Variants in RIN3 observed in about 807,000 individuals in gnomAD.
RIN3 encodes the protein RAB5 interacting protein 3.
In RIN3, 54 loss-of-function variants were observed where a neutral mutation model predicts 76.3. That is an observed-to-expected ratio of 0.71 (90% CI 0.57 to 0.89). The LOEUF is 0.89. Among genes scored for constraint, RIN3 ranks in the 40% least tolerant of loss-of-function variants. The pLI is 0.00. For synonymous variants in RIN3, 576 were observed against 564.0 expected (o/e 1.02, Z -0.30); for missense variants, 1,256 against 1,322.1 (o/e 0.95, Z 0.78).
Position 92,558,305 on chromosome 14 carries a change from C to T in RIN3, c.249+2350C>T, listed in dbSNP as rs575272190. On this transcript the variant is annotated intron_variant, in intron 2 of 9. Coordinates refer to ENST00000216487, the MANE Select transcript of RIN3 (RefSeq NM_024832.5). ...TGGAAGTTGCAGTGTGCCTAGATCA[C>T]GCCACTGTACTCCAGCCCAGGTGAT... Among the ~76,000 whole-genome samples the T allele has an allele frequency of 1.6e-4, 25 of 152,228 alleles. No homozygotes were observed. The South Asian group carries it at 4.4e-3, about 27-fold the overall frequency.
chr14:92,661,159 A>G (rs928700887), intron 7 of RIN3, among the ~76,000 whole-genome samples: 1 of 152,218 alleles, frequency 6.6e-6, no homozygotes, highest in African/African-American at 2.4e-5. Flanking sequence ...ATTAGAAACA[A>G]TGTATGTAAA....
chr14:92,625,097 T>C (rs1377504319), intron 4 of RIN3, among the ~76,000 whole-genome samples: 2 of 152,210 alleles, frequency 1.3e-5, no homozygotes, highest in African/African-American at 2.4e-5. Flanking sequence ...AGTATATAAT[T>C]CCTAAGGAAC....
At chr14:92,678,911 C>A (rs1888570301) in intron 8 of RIN3, among the ~76,000 whole-genome samples, 1 of 152,176 alleles carries the variant, frequency 6.6e-6, no homozygotes, top group Non-Finnish European at 1.5e-5. Flanking sequence ...CACAGAAGAA[C>A]CACAGGCACG....
At chr14:92,630,994 CCA>C (rs2140120041) in intron 4 of RIN3, among the ~76,000 whole-genome samples, 1 of 152,328 alleles carries the variant, frequency 6.6e-6, no homozygotes, top group South Asian at 2.1e-4. Context: ...ACAGACTCCT[CCA>C]GAGCCTAAGT....
chr14:92,562,617 C>T (rs893025389), intron 2 of RIN3, among the ~76,000 whole-genome samples: 2 of 152,166 alleles, frequency 1.3e-5, no homozygotes, highest in African/African-American at 4.8e-5. Flanking sequence ...ACTTTGGCCC[C>T]TCGAGTCCTT....
chr14:92,686,776 G>C (rs1211151652), intron 9 of RIN3: 1 of 153,116 alleles, frequency 6.5e-6, no homozygotes, highest in African/African-American at 2.4e-5. Flanking sequence ...CATGCCTTGG[G>C]GGGTGGGCAC....
chr14:92,664,605 C>T (rs1377700641), intron 7 of RIN3, among the ~76,000 whole-genome samples: 4 of 151,862 alleles, frequency 2.6e-5, no homozygotes, highest in African/African-American at 4.8e-5. Context: ...CTCCTGACCT[C>T]GTGTTCTGCC....
At chr14:92,556,173 G>A (rs1001696297) in intron 2 of RIN3, among the ~76,000 whole-genome samples, 12 of 152,296 alleles carry the variant, frequency 7.9e-5, no homozygotes, top group African/African-American at 7.2e-5. Context: ...TGGGGAGCAG[G>A]TGTTTGTGAC....
At chr14:92,565,252 G>A (rs192354515) in intron 2 of RIN3, among the ~76,000 whole-genome samples, 1 of 152,234 alleles carries the variant, frequency 6.6e-6, no homozygotes, top group East Asian at 1.9e-4. Flanking sequence ...CATGAACACT[G>A]ACATCAGGAA....
intron 2 of RIN3, among the ~76,000 whole-genome samples, chr14:92,557,923 C>A (rs1327257895): frequency 6.6e-6 from 1 of 152,184 alleles, no homozygotes; most frequent in Non-Finnish European, 1.5e-5. Context: ...TCAAGAAGGA[C>A]ATGTGCAGGG....
chr14:92,631,954 G>T (rs1235895485), intron 4 of RIN3, among the ~76,000 whole-genome samples: 1 of 152,254 alleles, frequency 6.6e-6, no homozygotes, highest in East Asian at 1.9e-4. Flanking sequence ...TTACCTGGGG[G>T]TCTCCTAGGG....
intron 3 of RIN3, among the ~76,000 whole-genome samples, chr14:92,598,153 G>T (rs746020499): frequency 2.0e-5 from 3 of 152,168 alleles, no homozygotes; most frequent in Non-Finnish European, 4.4e-5. Context: ...GACTCTGGGA[G>T]CTCTGAGTTG....
At chr14:92,518,625 T>A (rs1317020262) in intron 1 of RIN3, among the ~76,000 whole-genome samples, 2 of 152,070 alleles carry the variant, frequency 1.3e-5, no homozygotes, top group African/African-American at 4.8e-5. Context: ...CTGATACTTG[T>A]CAGGGAGAAA....
At chr14:92,680,228 C>G (rs1184013968) in intron 8 of RIN3, among the ~76,000 whole-genome samples, 1 of 145,220 alleles carries the variant, frequency 6.9e-6, no homozygotes, top group Non-Finnish European at 1.5e-5. Context: ...GAGACAGAGT[C>G]TCTGTCTGTC....
chr14:92,611,487 A>G (rs1223448186), intron 3 of RIN3, among the ~76,000 whole-genome samples: 5 of 152,056 alleles, frequency 3.3e-5, no homozygotes, highest in Admixed American at 3.3e-4. Flanking sequence ...TCTCAGACTC[A>G]GGTGATCCAC....
At chr14:92,593,587 T>C (rs1473839881) in intron 3 of RIN3, among the ~76,000 whole-genome samples, 2 of 152,094 alleles carry the variant, frequency 1.3e-5, no homozygotes, top group South Asian at 2.1e-4. Context: ...ATGTACGTAA[T>C]GTAAATGATG....
rs546287769 is a variant in RIN3, at chr14:92,623,946, G to T, written c.440+8467G>T. On this transcript the variant is annotated intron_variant, in intron 4 of 9. Transcript: ENST00000216487. The surrounding 1 kb of genome is among the most constrained non-coding windows in gnomAD (Gnocchi z 4.9). ...TCAGGGAATAGCACAGAGAGAGTTCGACAGAATTCACTATCCCAGGCTGTA... is the reference window on the plus strand; with the variant it reads ...TCAGGGAATAGCACAGAGAGAGTTCTACAGAATTCACTATCCCAGGCTGTA... 1.3e-5 allele frequency among the ~76,000 whole-genome samples: 2 copies of T among 152,290 alleles called. No homozygotes were observed. The highest frequency in any genetic ancestry group is 3.9e-4 in the East Asian group (2 of 5,186).
intron 1 of RIN3, among the ~76,000 whole-genome samples, chr14:92,525,062 C>T (rs1444628724): frequency 6.6e-6 from 1 of 152,238 alleles, no homozygotes; most frequent in East Asian, 1.9e-4. Flanking sequence ...CTCACGTGTT[C>T]CTGGCTGAGG....
In RIN3 at chr14:92,652,609, T is replaced by C; in HGVS notation, c.1560T>C (p.His520=). 6.2e-7 allele frequency: 1 copy of C among 1,611,098 alleles called. No homozygotes were observed. The highest frequency in any genetic ancestry group is 8.5e-7 in the Non-Finnish European group (1 of 1,179,840). The change falls in exon 6 of 10, where the codon CAT becomes CAC. Residue 520 remains histidine (H), a synonymous_variant. Coordinates refer to ENST00000216487, the MANE Select transcript of RIN3 (RefSeq NM_024832.5). The surrounding 1 kb of genome is among the most constrained non-coding windows in gnomAD (Gnocchi z 6.4). ...ACCCTCCTGCCCAGGCCACTGCCCA[T>C]TCCCAGAGCTCTCCAGAGTTCAAGG... The part of the protein sequence containing the change: ...TQHPPAQATA[H]SQSSPEFKGS...
Sources: gnomAD v4.1 joint callset for allele counts (sites outside exome capture counted in the v4.1 genomes callset) on GRCh38, gnomAD v4.1.1 for gene constraint, Gnocchi (gnomAD v3.1) non-coding constraint, MANE v1.5 for transcripts, NCBI Gene and HGNC (gene_info 2026-07-23, HGNC 2026-07-21) for gene names.